MSRA: variants seen among roughly 807,000 people sequenced by gnomAD.
MSRA encodes methionine sulfoxide reductase A, also known as mitochondrial peptide methionine sulfoxide reductase.
In MSRA, 54 loss-of-function variants were observed where a neutral mutation model predicts 31.3. That is an observed-to-expected ratio of 1.73 (90% CI 1.39 to 2.17). MSRA has a LOEUF of 2.17. MSRA is among the 30% of genes most tolerant of loss of function. The probability of loss-of-function intolerance (pLI) is 0.00; values close to 1 mark genes in which losing one functional copy is unlikely to be tolerated. For missense variants in MSRA, 507 were observed against 300.9 expected (o/e 1.69, Z -5.07); for synonymous variants, 169 against 116.5 (o/e 1.45, Z -2.90).
chr8:10,409,316 A>G (rs1808014655), intron 5 of MSRA, among the ~76,000 whole-genome samples: 1 of 152,172 alleles, frequency 6.6e-6, no homozygotes, highest in South Asian at 2.1e-4. Context: ...TTCTCCGATG[A>G]CTAGTGATGA....
At position 10,332,751 on chromosome 8, in the gene MSRA, T is replaced by C. The variant is rs143922850; in HGVS notation, c.543+12762T>C. ...GTACAGATTGCCCTTTCTTGCACTG[T>C]ATTTAGAAATCTCTGTATTACCCTT... On this transcript the variant is annotated intron_variant, in intron 5 of 5. Coordinates refer to ENST00000317173, the MANE Select transcript of MSRA (RefSeq NM_012331.5). Among the ~76,000 whole-genome samples the C allele has an allele frequency of 3.1e-3, 478 of 152,328 alleles. 4 individuals are homozygous for C. The highest frequency in any genetic ancestry group is 3.3e-3 in the Non-Finnish European group (223 of 68,022).
intron 1 of MSRA, among the ~76,000 whole-genome samples, 174 bp downstream of exon 1, chr8:10,054,832 G>T (rs1185580901): frequency 1.3e-5 from 2 of 152,200 alleles, no homozygotes; most frequent in Non-Finnish European, 2.9e-5. Flanking sequence ...GAGACGCTGG[G>T]GTCCACTGAC....
At chr8:10,102,591 G>A (rs1444602237) in intron 1 of MSRA, among the ~76,000 whole-genome samples, 2 of 152,150 alleles carry the variant, frequency 1.3e-5, no homozygotes, top group African/African-American at 2.4e-5. Flanking sequence ...CCATCTCAAT[G>A]TTGGCATCTC....
intron 2 of MSRA, among the ~76,000 whole-genome samples, chr8:10,229,630 C>G (rs942090235): frequency 6.6e-6 from 1 of 152,082 alleles, no homozygotes; most frequent in Non-Finnish European, 1.5e-5. Context: ...GACACGAACG[C>G]TTACTGAGTA....
intron 5 of MSRA, among the ~76,000 whole-genome samples, chr8:10,408,125 C>G (rs1311593570): frequency 6.6e-6 from 1 of 152,156 alleles, no homozygotes; most frequent in African/African-American, 2.4e-5. Context: ...GGCTCACTGT[C>G]TGGAAACAGA....
At chr8:10,184,304 A>C (rs967803346) in intron 1 of MSRA, among the ~76,000 whole-genome samples, 1 of 151,826 alleles carries the variant, frequency 6.6e-6, no homozygotes, top group Non-Finnish European at 1.5e-5. Flanking sequence ...CAGCCTCTTA[A>C]ATAATCCCCA....
chr8:10,402,396 G>A (rs1807521814), intron 5 of MSRA, among the ~76,000 whole-genome samples: 1 of 152,234 alleles, frequency 6.6e-6, no homozygotes, highest in South Asian at 2.1e-4. Flanking sequence ...TCGACAGCCA[G>A]CAGCTGCTTT....
At chr8:10,111,116 G>C (rs1223284845) in intron 1 of MSRA, among the ~76,000 whole-genome samples, 1 of 152,096 alleles carries the variant, frequency 6.6e-6, no homozygotes, top group East Asian at 1.9e-4. Context: ...AGGACAAAAG[G>C]GTTTCCGTGT....
intron 1 of MSRA, among the ~76,000 whole-genome samples, chr8:10,188,772 T>G (rs10093457): frequency 0.49 from 75,178 of 152,024 alleles, 18,817 homozygotes; most frequent in South Asian, 0.6. Flanking sequence ...CTGTCTTGAT[T>G]ACTGTAACCT....
Position 10,110,842 on chromosome 8 carries a change from G to A in MSRA, c.142+56184G>A, listed in dbSNP as rs140291778. On this transcript the variant is annotated intron_variant, in intron 1 of 5. Transcript: ENST00000317173. The stretch of plus-strand genomic sequence containing the variant: ...GCACAAAATCTAATTTCGACACGTG[G>A]CAGCCTTTCACATATTTCAAAAATG... Among the ~76,000 whole-genome samples the A allele has an allele frequency of 2.6e-5, 4 of 152,252 alleles. No individual in the cohort carries two copies. The East Asian group carries it at 5.8e-4, about 22-fold the overall frequency.
At chr8:10,394,896 C>T (rs1488408531) in intron 5 of MSRA, among the ~76,000 whole-genome samples, 1 of 152,202 alleles carries the variant, frequency 6.6e-6, no homozygotes, top group East Asian at 1.9e-4. Context: ...AAATCAGTGA[C>T]CTACAGTTAT....
intron 5 of MSRA, among the ~76,000 whole-genome samples, chr8:10,362,258 T>C (rs1010651761): frequency 1.3e-5 from 2 of 152,076 alleles, no homozygotes; most frequent in Non-Finnish European, 2.9e-5. Flanking sequence ...GGAAATATCG[T>C]CCTTACTTAG....
At chr8:10,303,584 T>A (rs1214782470) in intron 4 of MSRA, among the ~76,000 whole-genome samples, 1 of 152,312 alleles carries the variant, frequency 6.6e-6, no homozygotes, top group African/African-American at 2.4e-5. Context: ...CCAGCTGAAT[T>A]CAGAGAACCA....
At chr8:10,155,320 T>G (rs1804058464) in intron 1 of MSRA, among the ~76,000 whole-genome samples, 1 of 152,174 alleles carries the variant, frequency 6.6e-6, no homozygotes, top group Non-Finnish European at 1.5e-5. Flanking sequence ...GACATAAATA[T>G]GAGGAATGTG....
chr8:10,189,648 T>G lies in MSRA; in HGVS notation c.143-18185T>G, dbSNP rs185083223. Among the ~76,000 whole-genome samples, 409 of 152,334 alleles carry G rather than the reference T, an allele frequency of 2.7e-3. 2 individuals are homozygous for G. The highest frequency in any genetic ancestry group is 9.4e-3 in the African/African-American group (389 of 41,586). ...ATATGGTAAATGACATTAATTGAAT[T>G]TTTTCATTGTTAAAACAACTTTGAA... On this transcript the variant is annotated intron_variant, in intron 1 of 5. Transcript: ENST00000317173.
At chr8:10,377,169 G>A (rs1331557883) in intron 5 of MSRA, among the ~76,000 whole-genome samples, 1 of 152,258 alleles carries the variant, frequency 6.6e-6, no homozygotes, top group African/African-American at 2.4e-5. Context: ...TTCTTGGAAC[G>A]ATTTGCCTGC....
intron 2 of MSRA, among the ~76,000 whole-genome samples, chr8:10,221,072 T>C (rs966892319): frequency 3.3e-5 from 5 of 152,204 alleles, no homozygotes; most frequent in African/African-American, 1.2e-4. Flanking sequence ...GATGGCCACA[T>C]GATGGGGAAA....
At chr8:10,074,991 C>A (rs537868968) in intron 1 of MSRA, among the ~76,000 whole-genome samples, 2 of 152,280 alleles carry the variant, frequency 1.3e-5, no homozygotes, top group East Asian at 3.9e-4. Context: ...TGCCATGCTT[C>A]TGTTTACCCA....
At chr8:10,378,847 G>T (rs544374132) in intron 5 of MSRA, among the ~76,000 whole-genome samples, 2 of 152,328 alleles carry the variant, frequency 1.3e-5, no homozygotes, top group South Asian at 4.1e-4. Flanking sequence ...CACTGCATCA[G>T]ACTAACCACG....
Sources: allele counts gnomAD v4.1 joint callset (sites outside exome capture counted in the v4.1 genomes callset), GRCh38; gene constraint gnomAD v4.1.1; transcripts MANE v1.5; gene names NCBI Gene and HGNC (gene_info 2026-07-23, HGNC 2026-07-21).